PRKG1: variants seen among roughly 807,000 people sequenced by gnomAD.
PRKG1 encodes the protein protein kinase cGMP-dependent 1, also known as cGMP-dependent protein kinase 1.
PRKG1 carries 35 observed loss-of-function variants against 88.1 expected under a neutral mutation model. That is an observed-to-expected ratio of 0.40 (90% confidence interval 0.30 to 0.53). PRKG1 has a LOEUF of 0.53. Ranked by LOEUF, PRKG1 falls within the 20% of genes least tolerant of loss-of-function variation. The probability of loss-of-function intolerance (pLI) is 0.59; values close to 1 mark genes in which losing one functional copy is unlikely to be tolerated. For missense variants in PRKG1, 540 were observed against 839.8 expected (o/e 0.64, Z 4.41); for synonymous variants, 303 against 292.5 (o/e 1.04, Z -0.37).
chr10:51,770,752 C>G (rs1186849793), intron 3 of PRKG1, among the ~76,000 whole-genome samples: 1 of 152,186 alleles, frequency 6.6e-6, no homozygotes, highest in Non-Finnish European at 1.5e-5. Context: ...GAAACCATCC[C>G]CTACAGCCCC....
At chr10:51,548,740 T>C (rs546317208) in intron 3 of PRKG1, among the ~76,000 whole-genome samples, 1 of 152,126 alleles carries the variant, frequency 6.6e-6, no homozygotes, top group Non-Finnish European at 1.5e-5. Flanking sequence ...TTGGGTATAC[T>C]GGCCTTAGAC....
intron 3 of PRKG1, among the ~76,000 whole-genome samples, chr10:51,773,917 G>T (rs990782083): frequency 6.6e-6 from 1 of 152,030 alleles, no homozygotes; most frequent in Non-Finnish European, 1.5e-5. Flanking sequence ...AAACTCATAT[G>T]TAAACCCAGT....
At chr10:51,721,861 C>G (rs1842021200) in intron 3 of PRKG1, among the ~76,000 whole-genome samples, 1 of 152,142 alleles carries the variant, frequency 6.6e-6, no homozygotes, top group Admixed American at 6.5e-5. Flanking sequence ...CAGGGACTGC[C>G]TAATAATTCC....
At chr10:51,256,071 T>C (rs1839550343) in intron 2 of PRKG1, among the ~76,000 whole-genome samples, 1 of 152,090 alleles carries the variant, frequency 6.6e-6, no homozygotes, top group African/African-American at 2.4e-5. Context: ...TGCTCCTACT[T>C]GTACTTGCAA....
rs139055871 is a variant in PRKG1, at chr10:51,997,237, C to T, written c.763-57247C>T. Among the ~76,000 whole-genome samples the T allele has an allele frequency of 7.8e-3, 1,191 of 152,100 alleles. 22 individuals carry two copies. Among genetic ancestry groups the T allele is most frequent in the African/African-American group, 0.027 (1,138 of 41,482 alleles). ...TCTGTAATCCCAGCACTTTGGGAGG[C>T]AGAGGCAGGCGGATCACGAGGTCAA... On this transcript the variant is annotated intron_variant, in intron 5 of 17. Transcript: ENST00000373980.
chr10:51,620,945 T>C (rs958448163), intron 3 of PRKG1, among the ~76,000 whole-genome samples: 6 of 150,608 alleles, frequency 4.0e-5, no homozygotes, highest in Admixed American at 6.6e-5. Context: ...CAAAGACTTA[T>C]GCATTCAACT....
chr10:51,317,594 A>G (rs958380864), intron 2 of PRKG1, among the ~76,000 whole-genome samples: 3 of 152,216 alleles, frequency 2.0e-5, no homozygotes, highest in Admixed American at 2.0e-4. Flanking sequence ...ATAAAGAATA[A>G]AAGTGTAAAG....
chr10:51,014,045 A>G (rs1280790560), intron 1 of PRKG1, among the ~76,000 whole-genome samples: 2 of 152,366 alleles, frequency 1.3e-5, no homozygotes, highest in East Asian at 3.9e-4. Context: ...TTGGAAATAA[A>G]GAGGAAATTT....
intron 4 of PRKG1, among the ~76,000 whole-genome samples, chr10:51,860,182 G>A (rs1424345790): frequency 6.6e-6 from 1 of 152,108 alleles, no homozygotes; most frequent in Non-Finnish European, 1.5e-5. Context: ...TTAATCATGA[G>A]ACTTTTATTT....
At chr10:52,092,004 T>C (rs1475093530) in intron 7 of PRKG1, among the ~76,000 whole-genome samples, 2 of 152,208 alleles carry the variant, frequency 1.3e-5, no homozygotes, top group African/African-American at 4.8e-5. Flanking sequence ...CAAAAACTTC[T>C]CCTGGGGTTA....
intron 3 of PRKG1, among the ~76,000 whole-genome samples, chr10:51,602,471 G>T (rs781357816): frequency 6.6e-6 from 1 of 151,880 alleles, no homozygotes; most frequent in Non-Finnish European, 1.5e-5. Flanking sequence ...ATTGAGATGG[G>T]ATCTCACTCT....
chr10:51,621,175 T>C lies in PRKG1; in HGVS notation c.592+153339T>C, dbSNP rs1344546713. ...TAGTTTGAAGCCTTTTGATGCTTCATTAGCTGTTCCTTAAAGGGCATTCAG... is the reference window on the plus strand; with the variant it reads ...TAGTTTGAAGCCTTTTGATGCTTCACTAGCTGTTCCTTAAAGGGCATTCAG... On this transcript the variant is annotated intron_variant, in intron 3 of 17. Transcript: ENST00000373980. Among the ~76,000 whole-genome samples the C allele has an allele frequency of 2.0e-5, 3 of 151,746 alleles. 1 individual carries two copies. In the East Asian group the frequency reaches 5.8e-4, roughly 29 times the overall value.
intron 3 of PRKG1, chr10:51,699,592 G>A (rs751541531): frequency 1.3e-6 from 2 of 1,567,170 alleles, no homozygotes; most frequent in South Asian, 2.4e-5. Context: ...TCTTCGAGGC[G>A]TCTGTCCTCT....
At chr10:51,958,913 T>A (rs2133067360) in intron 5 of PRKG1, among the ~76,000 whole-genome samples, 1 of 152,284 alleles carries the variant, frequency 6.6e-6, no homozygotes, top group South Asian at 2.1e-4. Flanking sequence ...CAGATGACTA[T>A]GTTAAAACCT....
At chr10:51,039,272 A>G (rs1843390700) in intron 1 of PRKG1, among the ~76,000 whole-genome samples, 1 of 152,156 alleles carries the variant, frequency 6.6e-6, no homozygotes, top group East Asian at 1.9e-4. Flanking sequence ...GAAAAAAGCC[A>G]TTTTAACTGG....
chr10:51,108,135 T>C (rs1232655590), intron 1 of PRKG1, among the ~76,000 whole-genome samples: 1 of 152,212 alleles, frequency 6.6e-6, no homozygotes, highest in East Asian at 1.9e-4. Flanking sequence ...AGAAAACTAT[T>C]GATCCAGAGG....
chr10:51,096,196 G>T (rs1298589468), intron 1 of PRKG1, among the ~76,000 whole-genome samples: 1 of 151,994 alleles, frequency 6.6e-6, no homozygotes, highest in Admixed American at 6.6e-5. Context: ...GAGGAGGGAG[G>T]TGAAAGAAGG....
chr10:51,976,003 C>T (rs1317189727), intron 5 of PRKG1, among the ~76,000 whole-genome samples: 1 of 151,930 alleles, frequency 6.6e-6, no homozygotes, highest in East Asian at 1.9e-4. Context: ...GGCCAATAAG[C>T]ATATCAAAAG....
intron 4 of PRKG1, among the ~76,000 whole-genome samples, chr10:51,818,613 T>A (rs1300624910): frequency 2.0e-5 from 3 of 152,166 alleles, no homozygotes; most frequent in Non-Finnish European, 4.4e-5. Context: ...TCCTATTTAA[T>A]CCCCAGATGT....
Sources: gnomAD v4.1 joint callset for allele counts (sites outside exome capture counted in the v4.1 genomes callset) on GRCh38, gnomAD v4.1.1 for gene constraint, MANE v1.5 for transcripts, NCBI Gene and HGNC (gene_info 2026-07-23, HGNC 2026-07-21) for gene names.